The following ABLIM2 variants were observed in gnomAD, a reference collection of about 807,000 sequenced individuals.
ABLIM2 encodes the protein actin binding LIM protein family member 2.
ABLIM2 carries 53 observed loss-of-function variants against 97.7 expected under a neutral mutation model. The observed-to-expected ratio is 0.54, with a 90% CI of 0.44 to 0.68. The LOEUF (loss-of-function observed/expected upper bound fraction) is 0.68, where lower values mean the gene tolerates loss of function less well. Ranked by LOEUF, ABLIM2 falls within the 30% of genes least tolerant of loss-of-function variation. The pLI is 0.00. For missense variants in ABLIM2, 835 were observed against 867.2 expected (o/e 0.96, Z 0.47); for synonymous variants, 361 against 345.8 (o/e 1.04, Z -0.49).
At position 8,130,900 on chromosome 4, in the gene ABLIM2, T is replaced by C. The variant is rs1014693646; in HGVS notation, c.11-24263A>G. 2.6e-5 allele frequency among the ~76,000 whole-genome samples: 4 copies of C among 151,964 alleles called. No homozygotes were observed. Among genetic ancestry groups the C allele is most frequent in the African/African-American group, 9.7e-5 (4 of 41,344 alleles). ...CTGGGGCGGCCTGCATTTCCTGACT[T>C]GTGGACGGCAAGGTGGCCCCAGGGC... is the stretch of plus-strand genomic sequence containing the variant. On this transcript the variant is annotated intron_variant, in intron 1 of 20. Transcript: ENST00000447017. The surrounding 1 kb of genome is among the most constrained non-coding windows in gnomAD (Gnocchi z 4.2).
At position 8,058,593 on chromosome 4, in the gene ABLIM2, C is replaced by T. The variant is rs73074061; in HGVS notation, c.763+2374G>A. Among the ~76,000 whole-genome samples, 4,927 of 152,232 alleles carry T rather than the reference C, an allele frequency of 0.032. 289 individuals carry two copies. The highest frequency in any genetic ancestry group is 0.11 in the African/African-American group (4,694 of 41,534). Reference sequence around the variant, plus strand: ...TGTCCTCGCCGGGGCCCCTATGCCCCGTCCAATCCATCATCAAGTCTGGGG... The same window carrying T: ...TGTCCTCGCCGGGGCCCCTATGCCCTGTCCAATCCATCATCAAGTCTGGGG... On this transcript the variant is annotated intron_variant, in intron 7 of 20. Coordinates refer to ENST00000447017, the MANE Select transcript of ABLIM2 (RefSeq NM_001130083.2). This position sits in a 1 kb window ranked among gnomAD's most constrained non-coding sequence, Gnocchi z 4.2.
At position 8,120,120 on chromosome 4, in the gene ABLIM2, C is replaced by G. The variant is rs1844655448; in HGVS notation, c.11-13483G>C. ...GGCCCCCAGAGCCTGAGAGGAGCCT[C>G]TCCTCTGGGAGGCAGGAAGAGAAAA... On this transcript the variant is annotated intron_variant, in intron 1 of 20. Coordinates refer to ENST00000447017, the MANE Select transcript of ABLIM2 (RefSeq NM_001130083.2). This position sits in a 1 kb window ranked among gnomAD's most constrained non-coding sequence, Gnocchi z 5.6. Among the ~76,000 whole-genome samples, 2 of 152,158 alleles carry G rather than the reference C, an allele frequency of 1.3e-5. No homozygotes were observed. Among genetic ancestry groups the G allele is most frequent in the African/African-American group, 4.8e-5 (2 of 41,432 alleles).
At chr4:7,984,540 G>A (rs1741874217) in intron 18 of ABLIM2, among the ~76,000 whole-genome samples, 1 of 152,272 alleles carries the variant, frequency 6.6e-6, no homozygotes, top group African/African-American at 2.4e-5. Context: ...GACCCTGGAA[G>A]CCTTGTGCCT....
chr4:8,158,393 C>A (rs1001329372), intron 1 of ABLIM2, among the ~76,000 whole-genome samples: 2 of 152,188 alleles, frequency 1.3e-5, no homozygotes, highest in African/African-American at 4.8e-5. Context: ...CCCGGACCCC[C>A]GTGAGAAGCA....
At chr4:8,079,775 T>G (rs752212340) in intron 5 of ABLIM2, among the ~76,000 whole-genome samples, 4 of 148,502 alleles carry the variant, frequency 2.7e-5, no homozygotes, top group Non-Finnish European at 5.9e-5. Flanking sequence ...TGTGTGTGTG[T>G]GCGCGCGCCT....
At chr4:8,040,213 C>G (rs575868243) in intron 9 of ABLIM2, among the ~76,000 whole-genome samples, 1 of 152,264 alleles carries the variant, frequency 6.6e-6, no homozygotes, top group African/African-American at 2.4e-5. Context: ...AAGCACCCGA[C>G]GGGGACATGG....
intron 8 of ABLIM2, among the ~76,000 whole-genome samples, chr4:8,048,158 G>A (rs923839161): frequency 1.3e-5 from 2 of 152,248 alleles, no homozygotes; most frequent in East Asian, 1.9e-4. Context: ...CCAGCTCTGC[G>A]ATGGGTGGGG....
chr4:8,114,388 C>T (rs909897695), intron 1 of ABLIM2, among the ~76,000 whole-genome samples: 2 of 152,204 alleles, frequency 1.3e-5, no homozygotes, highest in African/African-American at 4.8e-5. Context: ...CCTCATGGAT[C>T]CTGCCACACT....
chr4:8,056,886 C>G (rs547407040), intron 7 of ABLIM2, among the ~76,000 whole-genome samples: 1 of 130,916 alleles, frequency 7.6e-6, no homozygotes, highest in East Asian at 2.5e-4. Context: ...GAGCCAAGAT[C>G]GCACCACTGC....
chr4:8,047,532 G>T (rs1793365686), intron 8 of ABLIM2, among the ~76,000 whole-genome samples: 1 of 152,162 alleles, frequency 6.6e-6, no homozygotes, highest in Non-Finnish European at 1.5e-5. Flanking sequence ...GGCTGGCAGG[G>T]GCTGGGTCCT....
Position 8,019,570 on chromosome 4 carries a change from G to A in ABLIM2, c.1423+48C>T, listed in dbSNP as rs1487859254. On this transcript the variant is annotated intron_variant, in intron 14 of 20. Coordinates refer to ENST00000447017, the MANE Select transcript of ABLIM2 (RefSeq NM_001130083.2). The surrounding 1 kb of genome is among the most constrained non-coding windows in gnomAD (Gnocchi z 4.3). ...ATGCATTCAGAAGCAGATGGGTATT[G>A]ACAGGCATGCGGGGCAAACCACAGC... is the stretch of plus-strand genomic sequence containing the variant. 6.4e-7 allele frequency: 1 copy of A among 1,557,330 alleles called. No homozygotes were observed. The highest frequency in any genetic ancestry group is 1.9e-5 in the Admixed American group (1 of 54,038).
In ABLIM2 at chr4:8,001,774, G is replaced by T. The variant is rs1757360697; in HGVS notation, c.1618+6285C>A. 6.6e-6 allele frequency among the ~76,000 whole-genome samples: 1 copy of T among 152,110 alleles called. No homozygotes were observed. On this transcript the variant is annotated intron_variant, in intron 16 of 20. Transcript: ENST00000447017. This position sits in a 1 kb window ranked among gnomAD's most constrained non-coding sequence, Gnocchi z 4.2. ...CCTCCACGCCCTTTCTGCAGGATCAGCCCTGCTGGCTGCCCCCTTCCCCAC... is the reference window on the plus strand; with the variant it reads ...CCTCCACGCCCTTTCTGCAGGATCATCCCTGCTGGCTGCCCCCTTCCCCAC...
chr4:8,103,014 G>C (rs548982563), intron 2 of ABLIM2, among the ~76,000 whole-genome samples: 2 of 152,346 alleles, frequency 1.3e-5, no homozygotes, highest in South Asian at 4.1e-4. Flanking sequence ...TGCATGCCAT[G>C]CGGTGAGAAC....
At chr4:7,974,757 C>A (rs1211515194) in intron 20 of ABLIM2, among the ~76,000 whole-genome samples, 4 of 152,104 alleles carry the variant, frequency 2.6e-5, no homozygotes, top group African/African-American at 9.7e-5. Flanking sequence ...ACTCATCCAT[C>A]TATCCATCCA....
At chr4:8,051,287 G>A (rs181836408) in intron 8 of ABLIM2, among the ~76,000 whole-genome samples, 1 of 152,144 alleles carries the variant, frequency 6.6e-6, no homozygotes, top group Non-Finnish European at 1.5e-5. Context: ...GGTAGCTCAC[G>A]CCTGTAATCC....
intron 16 of ABLIM2, among the ~76,000 whole-genome samples, chr4:8,006,248 G>A (rs983859049): frequency 5.9e-5 from 9 of 152,210 alleles, no homozygotes; most frequent in South Asian, 4.1e-4. Context: ...GGGGCAGCCC[G>A]TCTCTAGTCC....
In ABLIM2 at chr4:8,152,314, G is replaced by A. The variant is rs150470998; in HGVS notation, c.10+6366C>T. ...GGCACACTGGGGTTCAAATCCCAGCGCTGCCATTTACAAATCACGTGACAC... is the reference window on the plus strand; with the variant it reads ...GGCACACTGGGGTTCAAATCCCAGCACTGCCATTTACAAATCACGTGACAC... On this transcript the variant is annotated intron_variant, in intron 1 of 20. Coordinates refer to ENST00000447017, the MANE Select transcript of ABLIM2 (RefSeq NM_001130083.2). 2.0e-3 allele frequency among the ~76,000 whole-genome samples: 311 copies of A among 152,318 alleles called. 3 individuals carry two copies. The East Asian group carries it at 0.035, about 17-fold the overall frequency.
At position 7,970,647 on chromosome 4, in the gene ABLIM2, G is replaced by A. The variant is rs1431375135; in HGVS notation, c.1825-3544C>T. 6.6e-6 allele frequency among the ~76,000 whole-genome samples: 1 copy of A among 151,892 alleles called. No homozygotes were observed. The highest frequency in any genetic ancestry group is 6.6e-5 in the Admixed American group (1 of 15,232). Reference sequence around the variant, plus strand: ...GAAGGCTGGCAGGGTGTTGGGAGGTGGGTGTGGGAAGCAGAGGTGCCCTTG... The same window carrying A: ...GAAGGCTGGCAGGGTGTTGGGAGGTAGGTGTGGGAAGCAGAGGTGCCCTTG... On this transcript the variant is annotated intron_variant, in intron 20 of 20. Coordinates refer to ENST00000447017, the MANE Select transcript of ABLIM2 (RefSeq NM_001130083.2). This position sits in a 1 kb window ranked among gnomAD's most constrained non-coding sequence, Gnocchi z 5.3.
At chr4:8,141,867 C>T (rs1347625841) in intron 1 of ABLIM2, among the ~76,000 whole-genome samples, 1 of 152,254 alleles carries the variant, frequency 6.6e-6, no homozygotes, top group Non-Finnish European at 1.5e-5. Flanking sequence ...GGGCCAAATG[C>T]TCCGCCTGCA....
Sources: gnomAD v4.1 joint callset for allele counts (sites outside exome capture counted in the v4.1 genomes callset) on GRCh38, gnomAD v4.1.1 for gene constraint, Gnocchi (gnomAD v3.1) non-coding constraint, MANE v1.5 for transcripts, NCBI Gene and HGNC (gene_info 2026-07-23, HGNC 2026-07-21) for gene names.